MCF2L: variants seen among roughly 807,000 people sequenced by gnomAD.
The protein encoded by MCF2L is MCF.2 cell line derived transforming sequence like.
MCF2L carries 97 observed loss-of-function variants against 153.4 expected under a neutral mutation model. The observed-to-expected ratio is 0.63, with a 90% confidence interval of 0.54 to 0.75. The LOEUF (loss-of-function observed/expected upper bound fraction) is 0.75, where lower values mean the gene tolerates loss of function less well. Ranked by LOEUF, MCF2L falls within the 30% of genes least tolerant of loss-of-function variation. MCF2L has a pLI of 0.00. For missense variants in MCF2L, 1,347 were observed against 1,495.2 expected, an observed-to-expected ratio of 0.90 and a Z score of 1.64; for synonymous variants, 659 against 632.2, an observed-to-expected ratio of 1.04 and a Z score of -0.64.
At chr13:112,962,815 G>A (rs535199846) in intron 2 of MCF2L, among the ~76,000 whole-genome samples, 1 of 152,302 alleles carries the variant, frequency 6.6e-6, no homozygotes, top group South Asian at 2.1e-4. Flanking sequence ...ACAGGCAGAA[G>A]GGGAGCCCCC....
intron 1 of MCF2L, among the ~76,000 whole-genome samples, chr13:113,007,992 C>T (rs1179583197): frequency 6.7e-6 from 1 of 149,514 alleles, no homozygotes; most frequent in African/African-American, 2.5e-5. Context: ...TCTCAGCTCA[C>T]AGCAACATCC....
chr13:112,909,448 G>A (rs752204898), intron 2 of MCF2L: 14 of 657,722 alleles, frequency 2.1e-5, no homozygotes, highest in East Asian at 1.0e-4. Flanking sequence ...TCACCCCAGC[G>A]TCCTGTGCAA....
At chr13:113,012,677 C>T (rs1455690678) in intron 1 of MCF2L, among the ~76,000 whole-genome samples, 1 of 101,230 alleles carries the variant, frequency 9.9e-6, no homozygotes, top group African/African-American at 3.6e-5. Flanking sequence ...GCGGTGTGGA[C>T]GGTGGACACT....
At chr13:112,952,961 T>C (rs1008394533) in intron 2 of MCF2L, among the ~76,000 whole-genome samples, 2 of 152,104 alleles carry the variant, frequency 1.3e-5, no homozygotes, top group Admixed American at 6.5e-5. Context: ...ATGCCCACTT[T>C]TGGAATGGAC....
intron 2 of MCF2L, among the ~76,000 whole-genome samples, chr13:113,022,092 G>A (rs530946178): frequency 6.6e-6 from 1 of 152,262 alleles, no homozygotes; most frequent in South Asian, 2.1e-4. Flanking sequence ...TGTGGCTCAG[G>A]CTGGCCTCTG....
At chr13:112,954,307 C>T (rs1398965883) in intron 2 of MCF2L, among the ~76,000 whole-genome samples, 1 of 152,108 alleles carries the variant, frequency 6.6e-6, no homozygotes, top group East Asian at 1.9e-4. Context: ...TGTCCACACC[C>T]CTCCTCCCTG....
intron 2 of MCF2L, among the ~76,000 whole-genome samples, chr13:112,934,583 T>TGCTGCTGCTGCTGCTGCTGCTGCTG (rs1555351939): frequency 3.3e-4 from 50 of 152,190 alleles, no homozygotes; most frequent in Non-Finnish European, 4.0e-4. Context: ...CTGCTGCTGG[T>TGCTGCTGCTGCTGCTGCTGCTGCTG]CTGGAGACCC....
chr13:113,094,410 C>G lies in MCF2L; in HGVS notation c.2954-104C>G. The G allele has an allele frequency of 2.4e-6, 3 of 1,253,466 alleles. 1 individual carries two copies. In the South Asian group the frequency reaches 4.8e-5, roughly 20 times the overall value. 77.6% of individuals were successfully genotyped at this position (1,253,466 alleles called of 1,614,324 possible). A position where few individuals can be genotyped will look rare whatever the true frequency, so the allele number is the denominator to read the frequency against. ...GACAGGCTCTGTTGGGGGCCCACGG[C>G]ACACATTTCAGGGGGTCTGTGGGAC... On this transcript the variant is annotated intron_variant, in intron 26 of 29. Transcript: ENST00000535094.
At chr13:112,952,468 C>A (rs1175688004) in intron 2 of MCF2L, among the ~76,000 whole-genome samples, 1 of 152,192 alleles carries the variant, frequency 6.6e-6, no homozygotes, top group Non-Finnish European at 1.5e-5. Context: ...GAGGAGGAAT[C>A]TCCGTTTTCT....
At chr13:112,940,596 C>T (rs1467984254) in intron 2 of MCF2L, among the ~76,000 whole-genome samples, 3 of 152,210 alleles carry the variant, frequency 2.0e-5, no homozygotes, top group South Asian at 2.1e-4. Context: ...TTTGAAACCT[C>T]GTGTGCCAAC....
rs1475852786 is a variant in MCF2L at position 113,028,868 on chromosome 13, G to T, written c.278+4110G>T. Among the ~76,000 whole-genome samples the T allele has an allele frequency of 2.0e-5, 3 of 151,268 alleles. No individual in the cohort carries two copies. Among genetic ancestry groups the T allele is most frequent in the Non-Finnish European group, 4.4e-5 (3 of 67,776 alleles). On this transcript the variant is annotated intron_variant, in intron 3 of 29. Coordinates refer to ENST00000535094, the MANE Select transcript of MCF2L (RefSeq NM_001112732.3). The surrounding 1 kb of genome is among the most constrained non-coding windows in gnomAD (Gnocchi z 5.4). The stretch of plus-strand genomic sequence containing the variant: ...GTGTGGTGTGTGTGGCGTGTGCGGG[G>T]TGTGTGTGGGGTATGTGTGGTGTGT...
At chr13:113,061,377 C>T (rs1240965929) in intron 5 of MCF2L, among the ~76,000 whole-genome samples, 1 of 152,128 alleles carries the variant, frequency 6.6e-6, no homozygotes, top group Non-Finnish European at 1.5e-5. Context: ...TGTGTAGCTC[C>T]CCCGGAGAGC....
chr13:112,970,652 C>T (rs2082009250), intron 1 of MCF2L, among the ~76,000 whole-genome samples: 1 of 152,030 alleles, frequency 6.6e-6, no homozygotes, highest in Non-Finnish European at 1.5e-5. Context: ...AGAAAGCCCC[C>T]CTTGCTCTGC....
intron 4 of MCF2L, among the ~76,000 whole-genome samples, chr13:113,058,887 C>T (rs1390471806): frequency 6.7e-6 from 1 of 150,248 alleles, no homozygotes; most frequent in Admixed American, 6.6e-5. Context: ...TATTTGGGCG[C>T]TGAGTGGGCG....
chr13:113,095,977 G>A, intron 27 of MCF2L: 1 of 389,096 alleles, frequency 2.6e-6, no homozygotes, highest in Non-Finnish European at 4.3e-6. Context: ...GCTGCAGGGA[G>A]AGGGAGGGCA....
Position 113,050,176 on chromosome 13 carries a change from CTG to C in MCF2L, c.369+4826_369+4827del, listed in dbSNP as rs1328057373. Among the ~76,000 whole-genome samples, 750 of 150,820 alleles carry C rather than the reference CTG, an allele frequency of 5.0e-3. 9 individuals carry two copies. Among genetic ancestry groups the C allele is most frequent in the African/African-American group, 0.017 (690 of 41,026 alleles). On this transcript the variant is annotated intron_variant, in intron 4 of 29. Transcript: ENST00000535094. Reference sequence around the variant, plus strand: ...TGAGTGTGTGAGTGTGAGTGTGTGACTGTGTGTGTGTGCGAGCGAGTGGGAGT... The same window carrying C: ...TGAGTGTGTGAGTGTGAGTGTGTGACTGTGTGTGTGCGAGCGAGTGGGAGT...
chr13:113,090,119 G>T, intron 26 of MCF2L: 1 of 1,547,058 alleles, frequency 6.5e-7, no homozygotes, highest in Non-Finnish European at 8.7e-7. Flanking sequence ...TCCAGAAAGC[G>T]CTTTACCCTG....
chr13:112,967,431 C>T (rs1433106333), upstream of MCF2L: 2 of 152,194 alleles, frequency 1.3e-5, no homozygotes, highest in African/African-American at 4.8e-5. Context: ...CCAAGTGAAA[C>T]TGCTGATACT....
intron 2 of MCF2L, among the ~76,000 whole-genome samples, chr13:112,947,971 G>A (rs1234647405): frequency 6.6e-6 from 1 of 152,226 alleles, no homozygotes; most frequent in African/African-American, 2.4e-5. Flanking sequence ...TGCAGAATTA[G>A]CACCACGTGG....
Sources: gnomAD v4.1 joint callset for allele counts (sites outside exome capture counted in the v4.1 genomes callset) on GRCh38, gnomAD v4.1.1 for gene constraint, Gnocchi (gnomAD v3.1) non-coding constraint, MANE v1.5 for transcripts, NCBI Gene and HGNC (gene_info 2026-07-23, HGNC 2026-07-21) for gene names.